Variants in RRP9 observed in about 807,000 individuals in gnomAD.
RRP9 encodes the protein U3 small nucleolar RNA-interacting protein 2.
A neutral mutation model predicts 65.5 loss-of-function variants in RRP9; 35 were observed. The observed-to-expected ratio is 0.53, with a 90% CI of 0.41 to 0.71. The LOEUF (loss-of-function observed/expected upper bound fraction) is 0.71. RRP9 is among the 30% of genes least tolerant of loss of function. The pLI, the probability that RRP9 is intolerant of heterozygous loss-of-function variation, is 0.00. For synonymous variants in RRP9, 254 were observed against 245.0 expected (o/e 1.04, Z -0.34); for missense variants, 533 against 633.6 (o/e 0.84, Z 1.70).
intron 2 of RRP9, 140 bp downstream of exon 2, chr3:51,941,269 A>C: frequency 1.3e-6 from 1 of 771,760 alleles, no homozygotes; most frequent in Non-Finnish European, 2.2e-6. Flanking sequence ...CAGGACCAGA[A>C]ACTAAAGGAA....
At position 51,934,831 on chromosome 3, in the gene RRP9, C is replaced by T; in HGVS notation, c.1035-55G>A. ...GGGGGCCAGAGGCAGAAAAGGCCCC[C>T]TGTGTAACACAAAGGATTAATGCTT... On this transcript the variant is annotated intron_variant, in intron 11 of 14. Coordinates refer to ENST00000232888, the MANE Select transcript of RRP9 (RefSeq NM_004704.5). This position sits in a 1 kb window ranked among gnomAD's most constrained non-coding sequence, Gnocchi z 4.1. 3 of 1,562,644 alleles carry T rather than the reference C, an allele frequency of 1.9e-6. No homozygotes were observed. The highest frequency in any genetic ancestry group is 2.6e-6 in the Non-Finnish European group (3 of 1,146,850).
rs1387961933 is a variant in RRP9 at position 51,935,491 on chromosome 3, A to G, written c.837-15T>C. On this transcript the variant is annotated splice_polypyrimidine_tract_variant and intron_variant, in intron 9 of 14. Transcript: ENST00000232888. Reference sequence around the variant, plus strand: ...GGTGTCCGAAGCTAGAGGGCCGGGCAGAGCAGGATAGTGGGGATAGGGGTA... The same window carrying G: ...GGTGTCCGAAGCTAGAGGGCCGGGCGGAGCAGGATAGTGGGGATAGGGGTA... 6.2e-7 allele frequency: 1 copy of G among 1,613,986 alleles called. No individual in the cohort carries two copies. The highest frequency in any genetic ancestry group is 1.3e-5 in the African/African-American group (1 of 74,902).
chr3:51,941,334 G>A lies in RRP9; in HGVS notation c.170+75C>T. 7.3e-6 allele frequency: 9 copies of A among 1,235,414 alleles called. No homozygotes were observed. The South Asian group carries it at 8.4e-5, about 12-fold the overall frequency. 76.5% of individuals were successfully genotyped at this position (1,235,414 alleles called of 1,614,324 possible). On this transcript the variant is annotated intron_variant, in intron 2 of 14. Transcript: ENST00000232888. ...AGTCTTGGATTCTAGGCTCAGTTCT[G>A]TTCGGACTCACTCAGTCTTCCGTGC...
In RRP9 at chr3:51,934,305, G is replaced by A. The variant is rs1699425803; in HGVS notation, c.1260+167C>T. ...TGGACAGGGCCTAGGATAGGAAGGG[G>A]AGCAGAGGAGGGAAAGTGGGGAGGG... On this transcript the variant is annotated intron_variant, in intron 13 of 14. Coordinates refer to ENST00000232888, the MANE Select transcript of RRP9 (RefSeq NM_004704.5). This position sits in a 1 kb window ranked among gnomAD's most constrained non-coding sequence, Gnocchi z 4.1. 1.3e-5 allele frequency among the ~76,000 whole-genome samples: 2 copies of A among 152,212 alleles called. No homozygotes were observed. The highest frequency in any genetic ancestry group is 2.9e-5 in the Non-Finnish European group (2 of 68,032).
At chr3:51,933,802 G>A in intron 13 of RRP9, 21 bp from the exon 14 acceptor site, 1 of 1,612,844 alleles carries the variant, frequency 6.2e-7, no homozygotes, top group Middle Eastern at 1.7e-4. Context: ...AGACAACACG[G>A]AAAGACATTA....
chr3:51,935,971 C>T (rs1366633579), intron 8 of RRP9, among the ~76,000 whole-genome samples: 1 of 152,204 alleles, frequency 6.6e-6, no homozygotes, highest in Non-Finnish European at 1.5e-5. Flanking sequence ...AGATGATCCT[C>T]CATCTCGGCC....
intron 6 of RRP9, among the ~76,000 whole-genome samples, chr3:51,936,934 A>G (rs1294284960): frequency 6.6e-6 from 1 of 152,184 alleles, no homozygotes; most frequent in Non-Finnish European, 1.5e-5. Flanking sequence ...TTCTAGTCCA[A>G]CCACCTACCT....
rs1699477254 is a variant in RRP9 at position 51,937,812 on chromosome 3, G to A, written c.281-76C>T. ...CCTTCCATCCTGTCCCCATCCCACT[G>A]CCCCAGGGCTGGATAATGCAGGAAG... On this transcript the variant is annotated intron_variant, in intron 3 of 14. Coordinates refer to ENST00000232888, the MANE Select transcript of RRP9 (RefSeq NM_004704.5). This position sits in a 1 kb window ranked among gnomAD's most constrained non-coding sequence, Gnocchi z 5.0. 10 of 1,545,464 alleles carry A rather than the reference G, an allele frequency of 6.5e-6. No individual in the cohort carries two copies. The South Asian group carries it at 1.1e-4, about 18-fold the overall frequency.
In RRP9 at chr3:51,934,457, A is replaced by C. The variant is rs1699427993; in HGVS notation, c.1260+15T>G. 1.9e-6 allele frequency: 3 copies of C among 1,609,292 alleles called. No individual in the cohort carries two copies. Among genetic ancestry groups the C allele is most frequent in the Non-Finnish European group, 2.5e-6 (3 of 1,177,072 alleles). On this transcript the variant is annotated intron_variant, in intron 13 of 14. Transcript: ENST00000232888. The surrounding 1 kb of genome is among the most constrained non-coding windows in gnomAD (Gnocchi z 4.1). ...GTGGCAGAGACAGGCTGAGCATTCA[A>C]GCACACTCACTCACCAGGGGGATGT...
chr3:51,935,135 C>T (rs1247289951), intron 11 of RRP9, 62 bp downstream of exon 11: 4 of 1,588,342 alleles, frequency 2.5e-6, no homozygotes, highest in Non-Finnish European at 2.6e-6. Context: ...GCTCAGGGCC[C>T]CGTGGACAGC....
chr3:51,939,417 T>C (rs946910975), intron 2 of RRP9, among the ~76,000 whole-genome samples: 3 of 152,182 alleles, frequency 2.0e-5, no homozygotes, highest in Admixed American at 6.5e-5. Flanking sequence ...GCTAAAGAAA[T>C]GCAAGGGAAG....
chr3:51,937,223 G>C lies in RRP9; in HGVS notation c.486C>G (p.Phe162Leu). ...TGATGCTGCAGTCTTTGGCAGCAGA[G>C]AAGATGGCTGAGTCATCGGGGGTGA... is the stretch of plus-strand genomic sequence containing the variant. ...LVVTPDDSAI[F>L]SAAKDCSIIK... Residue 162 changes from phenylalanine (F) to leucine (L), a missense_variant, in exon 6 of 15, where the codon TTC becomes TTG. By Grantham distance (22) the Phe-to-Leu change is conservative. This residue lies in a region of RRP9 where 449 missense variants were observed against 550.6 expected (regional missense o/e 0.82). Coordinates refer to ENST00000232888, the MANE Select transcript of RRP9 (RefSeq NM_004704.5). This position sits in a 1 kb window ranked among gnomAD's most constrained non-coding sequence, Gnocchi z 5.0. 6.2e-7 allele frequency: 1 copy of C among 1,613,952 alleles called. No homozygotes were observed. Among genetic ancestry groups the C allele is most frequent in the African/African-American group, 1.3e-5 (1 of 75,076 alleles).
At chr3:51,940,682 C>CA (rs1002671818) in intron 2 of RRP9, among the ~76,000 whole-genome samples, 6 of 148,006 alleles carry the variant, frequency 4.1e-5, no homozygotes, top group Non-Finnish European at 4.5e-5. Flanking sequence ...ACCCAGCTAA[C>CA]TTTTTTTTTT....
In RRP9 at chr3:51,936,343, C is replaced by G; in HGVS notation, c.649G>C (p.Gly217Arg). The part of the protein sequence containing the change: ...ISSDGKYLAS[G>R]DRSKLILIWE... ...ATGAGAATGAGCTTGCTGCGGTCAC[C>G]AGAGGCCTGCAGGGATGAAGACAAT... Residue 217 changes from glycine (G) to arginine (R), a missense_variant, in exon 8 of 15, where the codon GGT (glycine) becomes CGT (arginine). Physicochemically the swap from Gly to Arg is moderately radical, Grantham distance 125. Coordinates refer to ENST00000232888, the MANE Select transcript of RRP9 (RefSeq NM_004704.5). 6.2e-7 allele frequency: 1 copy of G among 1,614,206 alleles called. No homozygotes were observed. Among genetic ancestry groups the G allele is most frequent in the Non-Finnish European group, 8.5e-7 (1 of 1,180,036 alleles).
chr3:51,940,455 G>T (rs981283567), intron 2 of RRP9, among the ~76,000 whole-genome samples: 1 of 152,138 alleles, frequency 6.6e-6, no homozygotes, highest in African/African-American at 2.4e-5. Flanking sequence ...ATCACCTGCA[G>T]AAATGAGGGA....
chr3:51,941,357 T>C, intron 2 of RRP9, 52 bp downstream of exon 2: 6 of 1,444,832 alleles, frequency 4.2e-6, no homozygotes, highest in Non-Finnish European at 5.9e-6. Context: ...CAGTCTTCCG[T>C]GCACCATGGG....
At chr3:51,941,609 G>T in intron 1 of RRP9, 118 bp from the exon 2 acceptor site, 1 of 1,167,676 alleles carries the variant, frequency 8.6e-7, no homozygotes, top group Non-Finnish European at 1.3e-6. Context: ...GTGGTTCCCG[G>T]GTTAAGCGAA....
At chr3:51,940,221 A>G (rs374480223) in intron 2 of RRP9, among the ~76,000 whole-genome samples, 3 of 152,186 alleles carry the variant, frequency 2.0e-5, no homozygotes, top group African/African-American at 7.2e-5. Flanking sequence ...GCACCACTGC[A>G]CTCCAGCCTG....
intron 10 of RRP9, 33 bp downstream of exon 10, chr3:51,935,309 T>G: frequency 6.2e-7 from 1 of 1,613,046 alleles, no homozygotes; most frequent in Non-Finnish European, 8.5e-7. Context: ...CCCCAGCCCA[T>G]GTAGCCCCCA....
Sources: gnomAD v4.1 joint callset for allele counts (sites outside exome capture counted in the v4.1 genomes callset) on GRCh38, gnomAD v4.1.1 for gene constraint, gnomAD v4.1.1 regional missense constraint, Gnocchi (gnomAD v3.1) non-coding constraint, MANE v1.5 for transcripts, NCBI Gene and HGNC (gene_info 2026-07-23, HGNC 2026-07-21) for gene names.